Variants in KCNN2 observed in about 807,000 individuals in gnomAD.
KCNN2 encodes potassium calcium-activated channel subfamily N member 2.
KCNN2 carries 24 observed loss-of-function variants against 55.5 expected under a neutral mutation model. The ratio of observed to expected loss-of-function variants is 0.43; its 90% CI spans 0.31 to 0.61. The LOEUF (loss-of-function observed/expected upper bound fraction) is 0.61, where lower values mean the gene tolerates loss of function less well. Ranked by LOEUF, KCNN2 falls within the 20% of genes least tolerant of loss-of-function variation. KCNN2 has a pLI of 0.08. For synonymous variants in KCNN2, 431 were observed against 336.1 expected, an observed-to-expected ratio of 1.28 and a Z score of -3.09; for missense variants, 754 against 853.6, an observed-to-expected ratio of 0.88 and a Z score of 1.45.
chr5:114,447,500 G>C (rs1760463565), intron 3 of KCNN2, among the ~76,000 whole-genome samples: 1 of 152,226 alleles, frequency 6.6e-6, no homozygotes. Flanking sequence ...TTTGAAGAGA[G>C]ATGACTGACA....
intron 4 of KCNN2, 127 bp downstream of exon 4, chr5:114,463,317 A>G (rs772182285): frequency 2.9e-6 from 2 of 680,942 alleles, no homozygotes; most frequent in Non-Finnish European, 4.7e-6. Flanking sequence ...GTATAAATAA[A>G]TCAATTTTGT....
chr5:114,136,637 T>A (rs955965740), intron 1 of KCNN2, among the ~76,000 whole-genome samples: 1 of 152,280 alleles, frequency 6.6e-6, no homozygotes, highest in East Asian at 1.9e-4. Context: ...ACTCTGTATA[T>A]CATTAATTTA....
At chr5:114,435,129 C>T (rs1244910031) in intron 3 of KCNN2, among the ~76,000 whole-genome samples, 1 of 151,886 alleles carries the variant, frequency 6.6e-6, no homozygotes, top group Non-Finnish European at 1.5e-5. Flanking sequence ...CACCCCTCAC[C>T]CCTTACCCCT....
chr5:114,322,871 G>A (rs1202886653), intron 2 of KCNN2, among the ~76,000 whole-genome samples: 3 of 152,160 alleles, frequency 2.0e-5, no homozygotes, highest in Non-Finnish European at 4.4e-5. Flanking sequence ...GTAAACTCAT[G>A]TCACAGAAGG....
At chr5:114,060,202 C>T (rs1750297261) in intron 1 of KCNN2, among the ~76,000 whole-genome samples, 1 of 152,266 alleles carries the variant, frequency 6.6e-6, no homozygotes, top group Non-Finnish European at 1.5e-5. Flanking sequence ...GCAATGCCCT[C>T]TTGGTACTGG....
intron 3 of KCNN2, among the ~76,000 whole-genome samples, chr5:114,448,601 T>A (rs1760515390): frequency 6.6e-6 from 1 of 152,220 alleles, no homozygotes; most frequent in Non-Finnish European, 1.5e-5. Flanking sequence ...TCAGCCTGTC[T>A]GGAATCATCT....
intron 1 of KCNN2, among the ~76,000 whole-genome samples, chr5:114,173,129 C>A (rs1022879811): frequency 4.0e-5 from 6 of 151,724 alleles, no homozygotes; most frequent in African/African-American, 2.4e-5. Flanking sequence ...GAGATAGGGG[C>A]CTAGTTTCTT....
intron 1 of KCNN2, among the ~76,000 whole-genome samples, chr5:114,084,229 A>G (rs1161312135): frequency 6.6e-6 from 1 of 152,106 alleles, no homozygotes; most frequent in Non-Finnish European, 1.5e-5. Flanking sequence ...TAGCATGACT[A>G]TGTTTAGCTT....
intron 2 of KCNN2, among the ~76,000 whole-genome samples, chr5:114,241,089 A>G (rs547708329): frequency 2.0e-5 from 3 of 152,156 alleles, no homozygotes; most frequent in African/African-American, 7.2e-5. Context: ...AAAGAAAAAT[A>G]AATTATAAAC....
At chr5:114,323,793 CAT>C (rs1756662965) in intron 2 of KCNN2, among the ~76,000 whole-genome samples, 1 of 151,572 alleles carries the variant, frequency 6.6e-6, no homozygotes, top group South Asian at 2.1e-4. Flanking sequence ...GGACTACAGG[CAT>C]GTGCCACCAT....
chr5:114,391,234 T>C (rs1758443173), intron 2 of KCNN2, among the ~76,000 whole-genome samples: 1 of 152,160 alleles, frequency 6.6e-6, no homozygotes, highest in African/African-American at 2.4e-5. Flanking sequence ...TTTTCCCATC[T>C]TTATATCGCA....
intron 2 of KCNN2, among the ~76,000 whole-genome samples, chr5:114,340,420 T>TTA (rs1561577329): frequency 6.6e-6 from 1 of 152,106 alleles, no homozygotes; most frequent in South Asian, 2.1e-4. Context: ...ATATTATAGT[T>TTA]TATATATATA....
chr5:114,405,692 G>GT (rs991456325), intron 3 of KCNN2, among the ~76,000 whole-genome samples: 8 of 145,050 alleles, frequency 5.5e-5, no homozygotes, highest in Admixed American at 2.1e-4. Context: ...AGTCTTTGTA[G>GT]TTTTTTTTGT....
rs185920946 is a variant in KCNN2 at position 114,239,968 on chromosome 5, G to A, written c.-185+18403G>A. ...ATTCTAAGCATTAAAAAGGTAATTC[G>A]TATATTATTGAAATAATCCAAGGAA... On this transcript the variant is annotated intron_variant, in intron 2 of 10. Transcript: ENST00000512097. Among the ~76,000 whole-genome samples the A allele has an allele frequency of 2.8e-3, 421 of 152,102 alleles. 2 individuals carry two copies. The highest frequency in any genetic ancestry group is 4.6e-3 in the Non-Finnish European group (311 of 67,986).
intron 2 of KCNN2, among the ~76,000 whole-genome samples, chr5:114,294,923 T>C (rs1179326866): frequency 6.6e-6 from 1 of 152,224 alleles, no homozygotes; most frequent in Non-Finnish European, 1.5e-5. Flanking sequence ...TTTACCATTA[T>C]GTAATGGCCT....
intron 1 of KCNN2, among the ~76,000 whole-genome samples, chr5:114,069,370 T>A (rs576904473): frequency 1.3e-5 from 2 of 152,082 alleles, no homozygotes; most frequent in Non-Finnish European, 2.9e-5. Flanking sequence ...TTTTTTATGG[T>A]AATGGAGAAC....
intron 1 of KCNN2, among the ~76,000 whole-genome samples, chr5:114,145,576 A>C (rs2954357): frequency 0.64 from 97,817 of 151,958 alleles, 32,049 homozygotes; most frequent in African/African-American, 0.74. Flanking sequence ...GGGTCCCAGG[A>C]ACAAAAGTGG....
chr5:114,309,347 C>T (rs146286646), intron 2 of KCNN2, among the ~76,000 whole-genome samples: 6 of 152,252 alleles, frequency 3.9e-5, no homozygotes, highest in East Asian at 3.9e-4. Flanking sequence ...TTATTGCTCA[C>T]GGGAAGCAGG....
chr5:114,099,303 T>TA (rs564408508), intron 1 of KCNN2, among the ~76,000 whole-genome samples: 230 of 152,238 alleles, frequency 1.5e-3, no homozygotes, highest in Middle Eastern at 3.4e-3. Flanking sequence ...TATAGCATTA[T>TA]AAAAAATCAC....
Sources: gnomAD v4.1 joint callset for allele counts (sites outside exome capture counted in the v4.1 genomes callset) on GRCh38, gnomAD v4.1.1 for gene constraint, MANE v1.5 for transcripts, NCBI Gene and HGNC (gene_info 2026-07-23, HGNC 2026-07-21) for gene names.